The following ADAMTS6 variants were observed in gnomAD, a reference collection of about 807,000 sequenced individuals.
ADAMTS6 encodes ADAM metallopeptidase with thrombospondin type 1 motif 6.
ADAMTS6 carries 23 observed loss-of-function variants against 144.3 expected under a neutral mutation model. The observed-to-expected ratio is 0.16, with a 90% confidence interval of 0.11 to 0.23. ADAMTS6 has a LOEUF of 0.23. Among genes scored for constraint, ADAMTS6 ranks in the 10% least tolerant of loss-of-function variants. The pLI is 1.00. For synonymous variants in ADAMTS6, 444 were observed against 457.5 expected (o/e 0.97, Z 0.38); for missense variants, 999 against 1,379.6 (o/e 0.72, Z 4.37).
intron 7 of ADAMTS6, among the ~76,000 whole-genome samples, chr5:65,435,045 T>C (rs940845613): frequency 6.6e-6 from 1 of 152,210 alleles, no homozygotes; most frequent in African/African-American, 2.4e-5. Flanking sequence ...AATAGACCTA[T>C]GTCCATCAGA....
intron 4 of ADAMTS6, among the ~76,000 whole-genome samples, chr5:65,455,955 A>G (rs1759159568): frequency 6.6e-6 from 1 of 151,854 alleles, no homozygotes; most frequent in Non-Finnish European, 1.5e-5. Context: ...AAATTATTTG[A>G]ATGTTAAAAC....
chr5:65,449,740 G>A (rs892275092), intron 7 of ADAMTS6, among the ~76,000 whole-genome samples: 2 of 152,192 alleles, frequency 1.3e-5, no homozygotes, highest in African/African-American at 2.4e-5. Context: ...AGAGAATCGG[G>A]AAAATATCAA....
chr5:65,224,461 C>G (rs569792402), intron 17 of ADAMTS6, 61 bp from the exon 18 acceptor site: 49 of 1,364,886 alleles, frequency 3.6e-5, no homozygotes, highest in Non-Finnish European at 5.0e-5. Flanking sequence ...TATTTGGTAA[C>G]CATTCAATAG....
chr5:65,361,845 C>A (rs1236415457), intron 7 of ADAMTS6, among the ~76,000 whole-genome samples: 1 of 151,986 alleles, frequency 6.6e-6, no homozygotes, highest in Non-Finnish European at 1.5e-5. Context: ...GCCATCCTTC[C>A]ACTTCAGCCT....
chr5:65,245,726 T>G (rs931602853), intron 14 of ADAMTS6, among the ~76,000 whole-genome samples: 4 of 152,042 alleles, frequency 2.6e-5, no homozygotes, highest in African/African-American at 9.7e-5. Flanking sequence ...AAGGTCCACA[T>G]AGTAAATATT....
intron 21 of ADAMTS6, among the ~76,000 whole-genome samples, chr5:65,189,619 G>T (rs1428504700): frequency 6.6e-6 from 1 of 152,144 alleles, no homozygotes; most frequent in African/African-American, 2.4e-5. Context: ...CTGAAACAAG[G>T]GTCTTGACTG....
At chr5:65,381,082 T>C (rs1751995878) in intron 7 of ADAMTS6, among the ~76,000 whole-genome samples, 1 of 152,222 alleles carries the variant, frequency 6.6e-6, no homozygotes, top group Non-Finnish European at 1.5e-5. Context: ...GTAACTGCAC[T>C]TGAGATAACT....
intron 7 of ADAMTS6, among the ~76,000 whole-genome samples, chr5:65,450,818 A>G: frequency 6.6e-6 from 1 of 152,146 alleles, no homozygotes; most frequent in Admixed American, 6.5e-5. Context: ...AACACTATCT[A>G]CAGAATTGTT....
At chr5:65,248,301 C>T (rs1424362638) in intron 14 of ADAMTS6, among the ~76,000 whole-genome samples, 3 of 151,860 alleles carry the variant, frequency 2.0e-5, no homozygotes, top group East Asian at 3.9e-4. Flanking sequence ...TTTTTTTTCA[C>T]TATATATTTA....
rs769942502 is a variant in ADAMTS6 at position 65,272,748 on chromosome 5, C to T, written c.1620+592G>A. On this transcript the variant is annotated intron_variant, in intron 12 of 24. Transcript: ENST00000381055. ...CAGCCCGGGCAACATGGTGAAACCC[C>T]GTCTCTACCGAAAAATACAAAAATT... Among the ~76,000 whole-genome samples, 178 of 151,602 alleles carry T rather than the reference C, an allele frequency of 1.2e-3. 1 individual carries two copies. The highest frequency in any genetic ancestry group is 1.8e-3 in the Non-Finnish European group (124 of 67,866).
At chr5:65,362,776 A>G (rs1749946241) in intron 7 of ADAMTS6, among the ~76,000 whole-genome samples, 1 of 152,180 alleles carries the variant, frequency 6.6e-6, no homozygotes, top group Admixed American at 6.5e-5. Context: ...AGACAAATAG[A>G]GTTTAGTCTA....
intron 22 of ADAMTS6, among the ~76,000 whole-genome samples, chr5:65,183,998 C>G (rs1754521500): frequency 6.6e-6 from 1 of 152,118 alleles, no homozygotes; most frequent in Non-Finnish European, 1.5e-5. Flanking sequence ...GACTAGTGGT[C>G]AGTCTATTCT....
intron 21 of ADAMTS6, among the ~76,000 whole-genome samples, chr5:65,192,255 A>C (rs1186203646): frequency 1.3e-5 from 2 of 152,040 alleles, no homozygotes; most frequent in Admixed American, 1.3e-4. Context: ...TGTACTTAAC[A>C]GATTTTGTCT....
intron 7 of ADAMTS6, among the ~76,000 whole-genome samples, chr5:65,341,550 T>C (rs954786763): frequency 1.3e-5 from 2 of 151,974 alleles, no homozygotes; most frequent in African/African-American, 4.8e-5. Flanking sequence ...TAAAGGGTCA[T>C]TAGAGACTAC....
intron 21 of ADAMTS6, among the ~76,000 whole-genome samples, chr5:65,192,595 T>G (rs1443161097): frequency 6.6e-6 from 1 of 151,900 alleles, no homozygotes; most frequent in African/African-American, 2.4e-5. Flanking sequence ...TTATTTTTTT[T>G]TCTTATGGTT....
At chr5:65,173,070 A>G in intron 22 of ADAMTS6, 62 bp from the exon 23 acceptor site, 1 of 1,515,412 alleles carries the variant, frequency 6.6e-7, no homozygotes, top group Non-Finnish European at 9.0e-7. Flanking sequence ...AATTTGAAGA[A>G]AGTCTTTCTT....
intron 7 of ADAMTS6, among the ~76,000 whole-genome samples, chr5:65,364,025 A>G (rs1015278522): frequency 1.3e-5 from 2 of 152,068 alleles, no homozygotes; most frequent in Non-Finnish European, 2.9e-5. Context: ...TTGAATTTAG[A>G]AAAACTGAAG....
At chr5:65,153,287 T>C (rs947316881) in intron 24 of ADAMTS6, among the ~76,000 whole-genome samples, 2 of 152,318 alleles carry the variant, frequency 1.3e-5, no homozygotes, top group East Asian at 3.9e-4. Flanking sequence ...TACTCAACAT[T>C]TCACTTACAA....
At chr5:65,229,606 C>T (rs1580123573) in intron 15 of ADAMTS6, among the ~76,000 whole-genome samples, 2 of 151,888 alleles carry the variant, frequency 1.3e-5, no homozygotes, top group African/African-American at 4.8e-5. Context: ...AGATAGAAAT[C>T]ATTAATAAAA....
Sources: allele counts gnomAD v4.1 joint callset (sites outside exome capture counted in the v4.1 genomes callset), GRCh38; gene constraint gnomAD v4.1.1; transcripts MANE v1.5; gene names NCBI Gene and HGNC (gene_info 2026-07-23, HGNC 2026-07-21).